Variants in UBE2E2 observed in about 807,000 individuals in gnomAD.
UBE2E2 encodes the protein ubiquitin conjugating enzyme E2 E2, also known as ubiquitin-conjugating enzyme E2 E2.
A neutral mutation model predicts 24.7 loss-of-function variants in UBE2E2; 6 were observed. The ratio of observed to expected loss-of-function variants is 0.24; its 90% CI spans 0.13 to 0.48. UBE2E2 has a LOEUF of 0.48. UBE2E2 is among the 20% of genes least tolerant of loss of function. UBE2E2 has a pLI of 0.99. For missense variants in UBE2E2, 169 were observed against 245.0 expected (o/e 0.69, Z 2.07); for synonymous variants, 104 against 83.6 (o/e 1.24, Z -1.33).
chr3:23,423,463 A>T (rs1559379476), intron 3 of UBE2E2, among the ~76,000 whole-genome samples: 1 of 152,158 alleles, frequency 6.6e-6, no homozygotes, highest in African/African-American at 2.4e-5. Flanking sequence ...ATATAGAAGT[A>T]TGTCTGTTTC....
At chr3:23,228,577 T>C (rs569204965) in intron 3 of UBE2E2, among the ~76,000 whole-genome samples, 2 of 152,344 alleles carry the variant, frequency 1.3e-5, no homozygotes, top group African/African-American at 4.8e-5. Flanking sequence ...CTAAGCTTTA[T>C]TGCAAACAAA....
chr3:23,204,157 C>T, intron 1 of UBE2E2, among the ~76,000 whole-genome samples: 1 of 151,720 alleles, frequency 6.6e-6, no homozygotes, highest in South Asian at 2.1e-4. Flanking sequence ...CCACTTCTCC[C>T]CCTCTTTTCT....
intron 3 of UBE2E2, among the ~76,000 whole-genome samples, chr3:23,396,033 A>G (rs1697064805): frequency 6.6e-6 from 1 of 152,036 alleles, no homozygotes; most frequent in Non-Finnish European, 1.5e-5. Flanking sequence ...TGCGTCTTCA[A>G]ATTAATCATC....
chr3:23,449,669 A>AT (rs1219786790), intron 3 of UBE2E2, among the ~76,000 whole-genome samples: 3 of 152,168 alleles, frequency 2.0e-5, no homozygotes, highest in African/African-American at 7.2e-5. Flanking sequence ...ACTGCAGGTG[A>AT]TTTTTTCCTA....
intron 3 of UBE2E2, among the ~76,000 whole-genome samples, chr3:23,229,636 G>C (rs1205992171): frequency 6.6e-6 from 1 of 152,190 alleles, no homozygotes; most frequent in African/African-American, 2.4e-5. Context: ...TCTGACTTCA[G>C]AGCTCAAGTG....
At chr3:23,343,392 A>G (rs537976392) in intron 3 of UBE2E2, among the ~76,000 whole-genome samples, 113 of 152,244 alleles carry the variant, frequency 7.4e-4, no homozygotes, top group Non-Finnish European at 1.5e-3. Context: ...CCTGGCCAAC[A>G]TGATGAAGCC....
chr3:23,356,693 CAT>C (rs1404213229), intron 3 of UBE2E2, among the ~76,000 whole-genome samples: 1 of 152,176 alleles, frequency 6.6e-6, no homozygotes, highest in Non-Finnish European at 1.5e-5. Context: ...AAAATCTTCT[CAT>C]ATCAATTCCA....
At chr3:23,347,664 G>T (rs1695603532) in intron 3 of UBE2E2, among the ~76,000 whole-genome samples, 1 of 152,050 alleles carries the variant, frequency 6.6e-6, no homozygotes, top group Non-Finnish European at 1.5e-5. Context: ...TAACAAACCT[G>T]CACATTGTGC....
At chr3:23,350,486 G>GA (rs965644469) in intron 3 of UBE2E2, among the ~76,000 whole-genome samples, 1 of 152,050 alleles carries the variant, frequency 6.6e-6, no homozygotes, top group Admixed American at 6.5e-5. Context: ...AAAAAACTTT[G>GA]AAAAAAATTT....
At chr3:23,425,042 A>C (rs769118049) in intron 3 of UBE2E2, among the ~76,000 whole-genome samples, 9 of 152,180 alleles carry the variant, frequency 5.9e-5, no homozygotes, top group Non-Finnish European at 1.2e-4. Flanking sequence ...TTTAAATCAC[A>C]TTTATCAATG....
At chr3:23,263,345 C>A (rs550478978) in intron 3 of UBE2E2, among the ~76,000 whole-genome samples, 2 of 152,094 alleles carry the variant, frequency 1.3e-5, no homozygotes, top group African/African-American at 2.4e-5. Context: ...ACACAAAGAT[C>A]TTTTGTGTTT....
chr3:23,206,706 C>A (rs188615384), intron 1 of UBE2E2, among the ~76,000 whole-genome samples: 7 of 152,220 alleles, frequency 4.6e-5, no homozygotes, highest in African/African-American at 1.7e-4. Flanking sequence ...GTTTGTCTTA[C>A]AAAAATTTCA....
chr3:23,506,056 CAAA>C (rs1487061699), intron 4 of UBE2E2, among the ~76,000 whole-genome samples: 1 of 152,054 alleles, frequency 6.6e-6, no homozygotes, highest in Non-Finnish European at 1.5e-5. Context: ...TGCTACTACT[CAAA>C]GAAGAAAGTT....
chr3:23,304,204 G>T (rs1278214577), intron 3 of UBE2E2, among the ~76,000 whole-genome samples: 1 of 152,176 alleles, frequency 6.6e-6, no homozygotes, highest in Non-Finnish European at 1.5e-5. Context: ...AGACGTAAGT[G>T]TGGTGAAATT....
chr3:23,542,559 GGA>G (rs562647331), intron 5 of UBE2E2, among the ~76,000 whole-genome samples: 1 of 152,094 alleles, frequency 6.6e-6, no homozygotes. Flanking sequence ...TATTCATGGT[GGA>G]GAGAGAGTGT....
intron 3 of UBE2E2, among the ~76,000 whole-genome samples, chr3:23,231,942 G>T (rs569850004): frequency 3.9e-5 from 6 of 152,346 alleles, no homozygotes; most frequent in Admixed American, 3.9e-4. Context: ...CTGGCACCTG[G>T]ATGAGTTCTT....
chr3:23,508,943 G>A (rs1284835951), intron 4 of UBE2E2, among the ~76,000 whole-genome samples: 1 of 152,078 alleles, frequency 6.6e-6, no homozygotes, highest in Non-Finnish European at 1.5e-5. Context: ...ACCAAAGAGG[G>A]GTGACTTTTC....
chr3:23,215,438 C>CT (rs538558943), intron 2 of UBE2E2, among the ~76,000 whole-genome samples: 1 of 152,128 alleles, frequency 6.6e-6, no homozygotes, highest in Non-Finnish European at 1.5e-5. Context: ...TAGATCAAAT[C>CT]TTTCTCTCCC....
chr3:23,340,991 A>T (rs1695369440), intron 3 of UBE2E2, among the ~76,000 whole-genome samples: 1 of 152,188 alleles, frequency 6.6e-6, no homozygotes, highest in Non-Finnish European at 1.5e-5. Context: ...AATTCTGCTT[A>T]TATAAGTGAG....
Sources: allele counts gnomAD v4.1 joint callset (sites outside exome capture counted in the v4.1 genomes callset), GRCh38; gene constraint gnomAD v4.1.1; transcripts MANE v1.5; gene names NCBI Gene and HGNC (gene_info 2026-07-23, HGNC 2026-07-21).